RFNG: variants seen among roughly 807,000 people sequenced by gnomAD.
RFNG encodes the protein beta-1,3-N-acetylglucosaminyltransferase radical fringe.
In RFNG, 37 loss-of-function variants were observed where a neutral mutation model predicts 29.6. The ratio of observed to expected loss-of-function variants is 1.25; its 90% confidence interval spans 0.96 to 1.65. The LOEUF (loss-of-function observed/expected upper bound fraction) is 1.65, where lower values mean the gene tolerates loss of function less well. Among genes scored for constraint, RFNG ranks in the 40% most tolerant of loss-of-function variants. The pLI is 0.00. For synonymous variants in RFNG, 276 were observed against 197.3 expected (o/e 1.40, Z -3.34); for missense variants, 546 against 457.0 (o/e 1.19, Z -1.78).
chr17:82,048,671 C>T lies in RFNG; in HGVS notation c.*55G>A, dbSNP rs2030070188. The stretch of plus-strand genomic sequence containing the variant: ...GAGCCCACTGAGCCCATAGGGGGCT[C>T]TGGTTCCCCGCGCCTGGGACAGAGC... On this transcript the variant is annotated 3_prime_UTR_variant, in exon 8 of 8. Transcript: ENST00000310496. 1 of 1,471,120 alleles carries T rather than the reference C, an allele frequency of 6.8e-7. No individual in the cohort carries two copies. Among genetic ancestry groups the T allele is most frequent in the Non-Finnish European group, 9.5e-7 (1 of 1,057,372 alleles). 91.1% of individuals were successfully genotyped at this position (1,471,120 alleles called of 1,614,324 possible).
chr17:82,051,479 C>A lies in RFNG; in HGVS notation c.267+21G>T. 7.4e-7 allele frequency: 1 copy of A among 1,351,852 alleles called. No individual in the cohort carries two copies. 83.7% of individuals were successfully genotyped at this position (1,351,852 alleles called of 1,614,324 possible). On this transcript the variant is annotated intron_variant, in intron 1 of 7. Transcript: ENST00000310496. This position sits in a 1 kb window ranked among gnomAD's most constrained non-coding sequence, Gnocchi z 4.1. Reference sequence around the variant, plus strand: ...GGCGGGTGGGCGTGGGGCTCGCCGTCGGGGTCGGGGTCCGGCGCACCTGCT... The same window carrying A: ...GGCGGGTGGGCGTGGGGCTCGCCGTAGGGGTCGGGGTCCGGCGCACCTGCT...
In RFNG at chr17:82,050,455, G is replaced by A. The variant is rs1334105403; in HGVS notation, c.520C>T (p.Pro174Ser). The A allele has an allele frequency of 6.2e-7, 1 of 1,612,444 alleles. No homozygotes were observed. Among genetic ancestry groups the A allele is most frequent in the South Asian group, 1.1e-5 (1 of 91,056 alleles). ...SPSQDVYLGR[P>S]SLDHPIEATE... ...GCCTCAATGGGGTGGTCCAGGCTGG[G>A]CCGCCCCAGGTAGACGTCCTGGCTG... Residue 174 changes from proline to serine, a missense_variant, in exon 4 of 8, where the codon CCC becomes TCC. By Grantham distance (74) the Pro-to-Ser change is moderately conservative. Transcript: ENST00000310496.
At position 82,048,570 on chromosome 17, in the gene RFNG, G is replaced by A. The variant is rs1440673024; in HGVS notation, c.*156C>T. 6.1e-6 allele frequency: 4 copies of A among 653,216 alleles called. No individual in the cohort carries two copies. Among genetic ancestry groups the A allele is most frequent in the Non-Finnish European group, 1.1e-5 (4 of 367,878 alleles). 40.5% of individuals were successfully genotyped at this position (653,216 alleles called of 1,614,324 possible). On this transcript the variant is annotated 3_prime_UTR_variant, in exon 8 of 8. Coordinates refer to ENST00000310496, the MANE Select transcript of RFNG (RefSeq NM_002917.2). Reference sequence around the variant, plus strand: ...ATCACCGCAGCCCACCAGGGGCTGGGAGAGGGGGGGCTGCAGGCTAGCCAG... The same window carrying A: ...ATCACCGCAGCCCACCAGGGGCTGGAAGAGGGGGGGCTGCAGGCTAGCCAG...
rs1383377005 is a variant in RFNG, at chr17:82,049,699, G to A, written c.806C>T (p.Pro269Leu). Residue 269 changes from proline to leucine, a missense_variant, in exon 6 of 8, where the codon CCG (proline) becomes CTG (leucine). Transcript: ENST00000310496. ...TACCTGCTGGAGCAGGGTGTCGGGC[G>A]GCAGCCTCTGCAGGTTCTCCAGGTG... is the stretch of plus-strand genomic sequence containing the variant. ...HSHLENLQRL[P>L]PDTLLQQVTL... 12 of 1,484,458 alleles carry A rather than the reference G, an allele frequency of 8.1e-6. No homozygotes were observed. Among genetic ancestry groups the A allele is most frequent in the Admixed American group, 2.6e-5 (1 of 39,042 alleles). The allele number at this position is 1,484,458 out of a possible 1,614,324, so 92.0% of individuals were successfully genotyped here. A position where few individuals can be genotyped will look rare whatever the true frequency, so the allele number is the denominator to read the frequency against.
Position 82,051,480 on chromosome 17 carries a change from G to A in RFNG, c.267+20C>T. ...GCGGGTGGGCGTGGGGCTCGCCGTC[G>A]GGGTCGGGGTCCGGCGCACCTGCTG... is the stretch of plus-strand genomic sequence containing the variant. On this transcript the variant is annotated intron_variant, in intron 1 of 7. Transcript: ENST00000310496. This position sits in a 1 kb window ranked among gnomAD's most constrained non-coding sequence, Gnocchi z 4.1. The A allele has an allele frequency of 7.4e-7, 1 of 1,355,300 alleles. No individual in the cohort carries two copies. The highest frequency in any genetic ancestry group is 9.5e-7 in the Non-Finnish European group (1 of 1,051,994). 84.0% of individuals were successfully genotyped at this position (1,355,300 alleles called of 1,614,324 possible). A position where few individuals can be genotyped will look rare whatever the true frequency, so the allele number is the denominator to read the frequency against.
At chr17:82,049,206 T>G (rs1177911421) in intron 6 of RFNG, 90 bp from the exon 7 acceptor site, 1 of 1,045,810 alleles carries the variant, frequency 9.6e-7, no homozygotes, top group Non-Finnish European at 1.5e-6. Flanking sequence ...AGAGCCCCTT[T>G]GCCCACCCCC....
In RFNG at chr17:82,048,861, C is replaced by A. The variant is rs758174620; in HGVS notation, c.915-54G>T. On this transcript the variant is annotated intron_variant, in intron 7 of 7. Transcript: ENST00000310496. ...CCGTGGGCGGAGAGAGAAGCGGGGG[C>A]CAGGGCCGTGGGCGGCGGGAGAACC... 4.0e-6 allele frequency: 6 copies of A among 1,514,946 alleles called. No homozygotes were observed. In the Admixed American group the frequency reaches 1.0e-4, roughly 26 times the overall value. The allele number at this position is 1,514,946 out of a possible 1,614,324, so 93.8% of individuals were successfully genotyped here.
In RFNG at chr17:82,051,426, T is replaced by A; in HGVS notation, c.267+74A>T. On this transcript the variant is annotated intron_variant, in intron 1 of 7. Transcript: ENST00000310496. The surrounding 1 kb of genome is among the most constrained non-coding windows in gnomAD (Gnocchi z 4.1). ...GCCCCGCGCGGAGCCTCCGGGGGCC[T>A]GGGCCGGGCCTAGACCCTGGGAGGC... 7.2e-7 allele frequency: 1 copy of A among 1,381,718 alleles called. No individual in the cohort carries two copies. Among genetic ancestry groups the A allele is most frequent in the Non-Finnish European group, 9.4e-7 (1 of 1,068,546 alleles). The allele number at this position is 1,381,718 out of a possible 1,614,324, so 85.6% of individuals were successfully genotyped here.
intron 4 of RFNG, 180 bp from the exon 5 acceptor site, chr17:82,050,186 A>G: frequency 1.3e-6 from 1 of 763,536 alleles, no homozygotes; most frequent in Non-Finnish European, 2.1e-6. Context: ...TAGCCTCCAG[A>G]CCCTCCCCAC....
At chr17:82,048,928 G>A in intron 7 of RFNG, 103 bp downstream of exon 7, 1 of 1,442,814 alleles carries the variant, frequency 6.9e-7, no homozygotes, top group Non-Finnish European at 9.7e-7. Context: ...CGGGGTCAGG[G>A]CCGTGGGCGG....
At chr17:82,048,995 G>C (rs1204324656) in intron 7 of RFNG, 36 bp downstream of exon 7, 5 of 1,603,104 alleles carry the variant, frequency 3.1e-6, no homozygotes, top group Middle Eastern at 1.9e-4. Flanking sequence ...GAGCCCCTGC[G>C]GGGCCGAGGG....
chr17:82,049,352 C>T, intron 6 of RFNG: 1 of 699,396 alleles, frequency 1.4e-6, no homozygotes, highest in Non-Finnish European at 2.6e-6. Flanking sequence ...AGCTGACCCT[C>T]ATTCCCTCCC....
chr17:82,051,117 T>C lies in RFNG; in HGVS notation c.316+177A>G, dbSNP rs112257445. On this transcript the variant is annotated intron_variant, in intron 2 of 7. Coordinates refer to ENST00000310496, the MANE Select transcript of RFNG (RefSeq NM_002917.2). This position sits in a 1 kb window ranked among gnomAD's most constrained non-coding sequence, Gnocchi z 4.1. ...GTGAGAGGCTGGTGGGGAGCAGAGCTTGGCTGGCAGGGTGGGCCCTCCGCA... is the reference window on the plus strand; with the variant it reads ...GTGAGAGGCTGGTGGGGAGCAGAGCCTGGCTGGCAGGGTGGGCCCTCCGCA... 9.0e-6 allele frequency: 12 copies of C among 1,334,960 alleles called. No homozygotes were observed. In the African/African-American group the frequency reaches 1.2e-4, roughly 13 times the overall value. 82.7% of individuals were successfully genotyped at this position (1,334,960 alleles called of 1,614,324 possible). A position where few individuals can be genotyped will look rare whatever the true frequency, so the allele number is the denominator to read the frequency against.
Position 82,048,874 on chromosome 17 carries a change from C to T in RFNG, c.915-67G>A, listed in dbSNP as rs1175132180. On this transcript the variant is annotated intron_variant, in intron 7 of 7. Coordinates refer to ENST00000310496, the MANE Select transcript of RFNG (RefSeq NM_002917.2). ...GAGAAGCGGGGGCCAGGGCCGTGGG[C>T]GGCGGGAGAACCTGGGGTCAGGGCC... The T allele has an allele frequency of 3.2e-5, 47 of 1,482,984 alleles. No homozygotes were observed. In the Admixed American group the frequency reaches 3.7e-4, roughly 12 times the overall value. 91.9% of individuals were successfully genotyped at this position (1,482,984 alleles called of 1,614,324 possible).
At chr17:82,049,285 G>A (rs1454661347) in intron 6 of RFNG, 169 bp from the exon 7 acceptor site, 5 of 711,580 alleles carry the variant, frequency 7.0e-6, no homozygotes, top group African/African-American at 3.5e-5. Context: ...TGAGTAGGGG[G>A]ACACCTCAGG....
chr17:82,051,591 T>G lies in RFNG; in HGVS notation c.176A>C (p.Asp59Ala). 1 of 1,304,632 alleles carries G rather than the reference T, an allele frequency of 7.7e-7. No homozygotes were observed. The allele number at this position is 1,304,632 out of a possible 1,614,324, so 80.8% of individuals were successfully genotyped here. A position where few individuals can be genotyped will look rare whatever the true frequency, so the allele number is the denominator to read the frequency against. Residue 59 changes from aspartate (D) to alanine (A), a missense_variant, in exon 1 of 8, where the codon GAC (aspartate) becomes GCC (alanine). Physicochemically the swap from Asp to Ala is moderately radical, Grantham distance 126 (BLOSUM62 -2). Transcript: ENST00000310496. This position sits in a 1 kb window ranked among gnomAD's most constrained non-coding sequence, Gnocchi z 4.1. Reference protein sequence around the residue: ...RPAAPSLRPDDVFIAVKTTRK... With the variant: ...RPAAPSLRPDAVFIAVKTTRK... ...GGTGGTCTTGACGGCGATGAAGACG[T>G]CGTCAGGCCGCAGGCTGGGGGCAGC...
intron 2 of RFNG, 50 bp from the exon 3 acceptor site, chr17:82,050,814 G>A: frequency 6.3e-7 from 1 of 1,577,496 alleles, no homozygotes; most frequent in Non-Finnish European, 8.7e-7. Context: ...CACTGGGGTT[G>A]GGGTAAGGCC....
chr17:82,050,070 G>C, intron 4 of RFNG, 64 bp from the exon 5 acceptor site: 1 of 1,356,804 alleles, frequency 7.4e-7, no homozygotes, highest in Non-Finnish European at 1.0e-6. Context: ...CTCTTCATGG[G>C]ACTCCCCAGG....
chr17:82,049,626 C>T (rs1489962182), intron 6 of RFNG, 51 bp downstream of exon 6: 1 of 1,462,378 alleles, frequency 6.8e-7, no homozygotes, highest in East Asian at 2.5e-5. Flanking sequence ...CTGGGGGAGT[C>T]AGGGCGGGGC....
Sources: gnomAD v4.1 joint callset for allele counts on GRCh38, gnomAD v4.1.1 for gene constraint, Gnocchi (gnomAD v3.1) non-coding constraint, MANE v1.5 for transcripts, NCBI Gene and HGNC (gene_info 2026-07-23, HGNC 2026-07-21) for gene names.